Variants in FGF10 observed in about 807,000 individuals in gnomAD.
FGF10 encodes FGF-10.
A neutral mutation model predicts 19.8 loss-of-function variants in FGF10; 2 were observed. That is an observed-to-expected ratio of 0.10 (90% confidence interval 0.04 to 0.32). The LOEUF is 0.32. FGF10 is among the 10% of genes least tolerant of loss of function. The pLI, the probability that FGF10 is intolerant of heterozygous loss-of-function variation, is 1.00. For missense variants in FGF10, 191 were observed against 246.3 expected (o/e 0.78, Z 1.50); for synonymous variants, 112 against 94.0 (o/e 1.19, Z -1.10).
intron 1 of FGF10, among the ~76,000 whole-genome samples, chr5:44,377,102 G>T (rs932994494): frequency 6.6e-6 from 1 of 152,086 alleles, no homozygotes; most frequent in Non-Finnish European, 1.5e-5. Context: ...GTTTGACTCT[G>T]CACCCACACA....
At chr5:44,385,641 G>A (rs958482993) in intron 1 of FGF10, among the ~76,000 whole-genome samples, 1 of 152,142 alleles carries the variant, frequency 6.6e-6, no homozygotes, top group Admixed American at 6.5e-5. Context: ...CTGAAATGTG[G>A]TTTTTGGAAA....
rs1054720165 is a variant in FGF10, at chr5:44,367,649, T to G, written c.325+20709A>C. Among the ~76,000 whole-genome samples the G allele has an allele frequency of 7.2e-5, 11 of 152,138 alleles. No individual in the cohort carries two copies. The South Asian group carries it at 8.3e-4, about 11-fold the overall frequency. ...CCTAGTATCCACACTCTAGGATTGT[T>G]TTGAGCATTAAGTGAGTGTACATAT... is the stretch of plus-strand genomic sequence containing the variant. On this transcript the variant is annotated intron_variant, in intron 1 of 2. Coordinates refer to ENST00000264664, the MANE Select transcript of FGF10 (RefSeq NM_004465.2).
intron 1 of FGF10, among the ~76,000 whole-genome samples, chr5:44,343,648 A>G (rs1741019132): frequency 6.6e-6 from 1 of 151,988 alleles, no homozygotes; most frequent in Non-Finnish European, 1.5e-5. Context: ...ACACCTCTGG[A>G]AAACTTGCTT....
At chr5:44,310,618 T>C in intron 1 of FGF10, 88 bp from the exon 2 acceptor site, 1 of 977,540 alleles carries the variant, frequency 1.0e-6, no homozygotes, top group Admixed American at 2.0e-5. Context: ...TTGAGTTGTT[T>C]TTTGTGTGGT....
At chr5:44,359,105 G>A (rs918681938) in intron 1 of FGF10, among the ~76,000 whole-genome samples, 29 of 151,434 alleles carry the variant, frequency 1.9e-4, no homozygotes, top group African/African-American at 7.0e-4. Context: ...CTCCTAACAA[G>A]ATCTGAAGTC....
intron 1 of FGF10, among the ~76,000 whole-genome samples, chr5:44,312,798 GA>G (rs1376678647): frequency 6.6e-6 from 1 of 152,088 alleles, no homozygotes; most frequent in Non-Finnish European, 1.5e-5. Flanking sequence ...AAAGAGGAAT[GA>G]AGGATGATTT....
At chr5:44,330,799 A>C (rs1308915012) in intron 1 of FGF10, among the ~76,000 whole-genome samples, 1 of 152,192 alleles carries the variant, frequency 6.6e-6, no homozygotes, top group East Asian at 1.9e-4. Context: ...TCTGTCTCTT[A>C]GAAAAATGTC....
chr5:44,308,929 C>G (rs1740146789), intron 2 of FGF10, among the ~76,000 whole-genome samples: 1 of 152,134 alleles, frequency 6.6e-6, no homozygotes, highest in Non-Finnish European at 1.5e-5. Flanking sequence ...TCCCATTATT[C>G]TGTCTTTTAA....
At chr5:44,334,326 T>C (rs1740798682) in intron 1 of FGF10, among the ~76,000 whole-genome samples, 1 of 152,056 alleles carries the variant, frequency 6.6e-6, no homozygotes, top group Non-Finnish European at 1.5e-5. Flanking sequence ...CATTCTTTCA[T>C]AGAATATTCT....
intron 1 of FGF10, among the ~76,000 whole-genome samples, chr5:44,385,780 A>G (rs1341111517): frequency 6.6e-6 from 1 of 152,168 alleles, no homozygotes; most frequent in Non-Finnish European, 1.5e-5. Context: ...CGTTTAGACA[A>G]TATCTTAATG....
chr5:44,379,657 A>G (rs939188447), intron 1 of FGF10, among the ~76,000 whole-genome samples: 1 of 152,140 alleles, frequency 6.6e-6, no homozygotes, highest in Non-Finnish European at 1.5e-5. Flanking sequence ...CTTCTCTTAG[A>G]TCATAGGTTC....
At chr5:44,318,369 T>G (rs952914150) in intron 1 of FGF10, among the ~76,000 whole-genome samples, 8 of 152,146 alleles carry the variant, frequency 5.3e-5, no homozygotes, top group African/African-American at 1.9e-4. Context: ...AATTTATTGG[T>G]TTTTCTTTCC....
chr5:44,336,209 T>C (rs17234226), intron 1 of FGF10, among the ~76,000 whole-genome samples: 1,620 of 152,184 alleles, frequency 0.011, 27 homozygotes, highest in African/African-American at 0.037. Context: ...TCTTTCTTTT[T>C]TTCTAATTCA....
chr5:44,330,418 A>T (rs1283049128), intron 1 of FGF10, among the ~76,000 whole-genome samples: 1 of 152,210 alleles, frequency 6.6e-6, no homozygotes, highest in Non-Finnish European at 1.5e-5. Context: ...ACATCTGGGA[A>T]ATATTCAGTT....
chr5:44,375,527 G>A lies in FGF10; in HGVS notation c.325+12831C>T, dbSNP rs2973642. Reference sequence around the variant, plus strand: ...TATAATGGGCACTGTAGTAACAAACGAGGCCAGGGAGTTGGTAGGGAGTAA... The same window carrying A: ...TATAATGGGCACTGTAGTAACAAACAAGGCCAGGGAGTTGGTAGGGAGTAA... On this transcript the variant is annotated intron_variant, in intron 1 of 2. Coordinates refer to ENST00000264664, the MANE Select transcript of FGF10 (RefSeq NM_004465.2). 7.1e-3 allele frequency among the ~76,000 whole-genome samples: 1,076 copies of A among 152,292 alleles called. 14 individuals carry two copies. The highest frequency in any genetic ancestry group is 0.025 in the African/African-American group (1,020 of 41,558).
intron 1 of FGF10, among the ~76,000 whole-genome samples, chr5:44,377,590 T>C (rs1741894781): frequency 6.6e-6 from 1 of 152,262 alleles, no homozygotes; most frequent in Admixed American, 6.5e-5. Flanking sequence ...TTACAGCTTG[T>C]GTCCTTGAAA....
chr5:44,321,887 A>C (rs1325427053), intron 1 of FGF10, among the ~76,000 whole-genome samples: 1 of 152,016 alleles, frequency 6.6e-6, no homozygotes, highest in Non-Finnish European at 1.5e-5. Flanking sequence ...TCAGCCTCCC[A>C]AGTAGCTGAG....
At chr5:44,328,994 C>T (rs1302332422) in intron 1 of FGF10, among the ~76,000 whole-genome samples, 1 of 152,022 alleles carries the variant, frequency 6.6e-6, no homozygotes, top group Admixed American at 6.6e-5. Context: ...GAGACTCTGT[C>T]TCTGAATAAA....
chr5:44,379,077 T>G (rs1205201914), intron 1 of FGF10, among the ~76,000 whole-genome samples: 1 of 152,072 alleles, frequency 6.6e-6, no homozygotes, highest in Non-Finnish European at 1.5e-5. Flanking sequence ...CTAGCAGTGC[T>G]CTTTGGGGTA....
Sources: allele counts gnomAD v4.1 joint callset (sites outside exome capture counted in the v4.1 genomes callset), GRCh38; gene constraint gnomAD v4.1.1; transcripts MANE v1.5; gene names NCBI Gene and HGNC (gene_info 2026-07-23, HGNC 2026-07-21).